The following DUSP26 variants were observed in gnomAD, a reference collection of about 807,000 sequenced individuals.
DUSP26 encodes the protein dual specificity phosphatase 26.
Under a neutral mutation model 20.0 loss-of-function variants are expected in DUSP26, and 12 were observed. The observed-to-expected ratio is 0.60, with a 90% CI of 0.38 to 0.97. DUSP26 has a LOEUF of 0.97. Ranked by LOEUF, DUSP26 falls within the 50% of genes least tolerant of loss-of-function variation. The pLI is 0.00. For synonymous variants in DUSP26, 120 were observed against 118.8 expected, an observed-to-expected ratio of 1.01 and a Z score of -0.06; for missense variants, 230 against 294.0, an observed-to-expected ratio of 0.78 and a Z score of 1.59.
Position 33,593,519 on chromosome 8 carries a change from C to T in DUSP26, c.436+14G>A. On this transcript the variant is annotated intron_variant, in intron 3 of 3. Transcript: ENST00000256261. Reference sequence around the variant, plus strand: ...GCACCCTGTTCTTTCCTGCTCCCAGCATTCCCCTCCTACCTCCTGGCTGGC... The same window carrying T: ...GCACCCTGTTCTTTCCTGCTCCCAGTATTCCCCTCCTACCTCCTGGCTGGC... 6.2e-7 allele frequency: 1 copy of T among 1,608,442 alleles called. No homozygotes were observed. Among genetic ancestry groups the T allele is most frequent in the Non-Finnish European group, 8.5e-7 (1 of 1,175,262 alleles).
chr8:33,596,424 A>C (rs1450816106), intron 2 of DUSP26, among the ~76,000 whole-genome samples: 1 of 151,864 alleles, frequency 6.6e-6, no homozygotes, highest in Non-Finnish European at 1.5e-5. Context: ...CTAAAATACA[A>C]AAAAATAATT....
rs534021745 is a variant in DUSP26 at position 33,596,188 on chromosome 8, G to T, written c.221+1107C>A. Reference sequence around the variant, plus strand: ...AAGCCCAGCTACTTGGGAGGCAGAGGCAGGAGAATTGCTTGAACCCGGGAG... The same window carrying T: ...AAGCCCAGCTACTTGGGAGGCAGAGTCAGGAGAATTGCTTGAACCCGGGAG... On this transcript the variant is annotated intron_variant, in intron 2 of 3. Coordinates refer to ENST00000256261, the MANE Select transcript of DUSP26 (RefSeq NM_024025.3). 2.6e-5 allele frequency among the ~76,000 whole-genome samples: 4 copies of T among 152,340 alleles called. No individual in the cohort carries two copies. In the East Asian group the frequency reaches 7.7e-4, roughly 29 times the overall value.
chr8:33,597,397 T>G lies in DUSP26; in HGVS notation c.119A>C (p.His40Pro). 6.2e-7 allele frequency: 1 copy of G among 1,614,122 alleles called. No homozygotes were observed. Among genetic ancestry groups the G allele is most frequent in the South Asian group, 1.1e-5 (1 of 91,072 alleles). ...GTLEEMPTVQ[H>P]PFLNVFELER... is the part of the protein sequence containing the mutation. ...CAACTCGAAGACATTGAGGAAAGGA[T>G]GTTGAACGGTTGGCATCTCCTCCAG... Residue 40 changes from histidine (H) to proline (P), a missense_variant, in exon 2 of 4, where the codon CAT becomes CCT. Physicochemically the swap from His to Pro is moderately conservative, Grantham distance 77. Coordinates refer to ENST00000256261, the MANE Select transcript of DUSP26 (RefSeq NM_024025.3).
chr8:33,592,309 G>C, intron 3 of DUSP26, 97 bp from the exon 4 acceptor site: 4 of 1,247,234 alleles, frequency 3.2e-6, no homozygotes, highest in Non-Finnish European at 4.4e-6. Context: ...GGTGGCTCAC[G>C]GCGGTAATTC....
chr8:33,598,694 C>T (rs1456265929), intron 1 of DUSP26, among the ~76,000 whole-genome samples: 3 of 152,088 alleles, frequency 2.0e-5, no homozygotes, highest in Non-Finnish European at 4.4e-5. Flanking sequence ...CTGGGAAGGA[C>T]CAGCGTTTGA....
chr8:33,592,307 A>C, intron 3 of DUSP26, 95 bp from the exon 4 acceptor site: 3 of 1,263,298 alleles, frequency 2.4e-6, no homozygotes, highest in Non-Finnish European at 3.2e-6. Context: ...ATGGTGGCTC[A>C]CGGCGGTAAT....
chr8:33,595,615 G>A (rs1167117108), intron 2 of DUSP26, among the ~76,000 whole-genome samples: 4 of 151,734 alleles, frequency 2.6e-5, no homozygotes, highest in East Asian at 1.9e-4. Context: ...TCCTGACCTC[G>A]TGATCCATCC....
intron 1 of DUSP26, 173 bp from the exon 2 acceptor site, chr8:33,597,764 C>T: frequency 4.4e-6 from 2 of 450,480 alleles, no homozygotes; most frequent in Non-Finnish European, 4.0e-6. Flanking sequence ...TTTTGCTCAG[C>T]TCTTTGGCTC....
At chr8:33,593,816 C>T in intron 2 of DUSP26, 69 bp from the exon 3 acceptor site, 1 of 1,545,650 alleles carries the variant, frequency 6.5e-7, no homozygotes, top group Non-Finnish European at 8.9e-7. Flanking sequence ...CTTGTCTACA[C>T]CCTGTTAACT....
intron 1 of DUSP26, among the ~76,000 whole-genome samples, chr8:33,599,356 T>A (rs867766359): frequency 6.6e-6 from 1 of 152,222 alleles, no homozygotes; most frequent in African/African-American, 2.4e-5. Flanking sequence ...AGAAGCCCCT[T>A]TCTGTCCAGG....
chr8:33,594,942 T>G lies in DUSP26; in HGVS notation c.222-1195A>C, dbSNP rs190275041. 2.0e-4 allele frequency among the ~76,000 whole-genome samples: 31 copies of G among 152,224 alleles called. No individual in the cohort carries two copies. The Middle Eastern group carries it at 0.01, about 50-fold the overall frequency. On this transcript the variant is annotated intron_variant, in intron 2 of 3. Transcript: ENST00000256261. Reference sequence around the variant, plus strand: ...TTTCATCGTGTTGGCCAAGCTGGTCTCGAACTCCTGACCTTGTGATCCACC... The same window carrying G: ...TTTCATCGTGTTGGCCAAGCTGGTCGCGAACTCCTGACCTTGTGATCCACC...
rs112579319 is a variant in DUSP26, at chr8:33,593,472, C to T, written c.436+61G>A. The T allele has an allele frequency of 3.8e-5, 60 of 1,579,148 alleles. 3 individuals are homozygous for T. In the African/African-American group the frequency reaches 6.1e-4, roughly 16 times the overall value. On this transcript the variant is annotated intron_variant, in intron 3 of 3. Coordinates refer to ENST00000256261, the MANE Select transcript of DUSP26 (RefSeq NM_024025.3). Reference sequence around the variant, plus strand: ...TAAAATCTCACTCCACTCTCAGACCCTTGGACTTCCCCAAATTCCAGGCAC... The same window carrying T: ...TAAAATCTCACTCCACTCTCAGACCTTTGGACTTCCCCAAATTCCAGGCAC...
At position 33,592,608 on chromosome 8, in the gene DUSP26, G is replaced by A. The variant is rs917029149; in HGVS notation, c.437-396C>T. ...AAGAGGAAGACAGGTAAGTACAGGT[G>A]CATGAAGACAGGAATGGGTGCAGAT... On this transcript the variant is annotated intron_variant, in intron 3 of 3. Transcript: ENST00000256261. Among the ~76,000 whole-genome samples, 3 of 150,656 alleles carry A rather than the reference G, an allele frequency of 2.0e-5. No homozygotes were observed. The Admixed American group carries it at 2.0e-4, about 10-fold the overall frequency.
chr8:33,597,193 G>C (rs1327715533), intron 2 of DUSP26, 102 bp downstream of exon 2: 1 of 1,170,646 alleles, frequency 8.5e-7, no homozygotes, highest in African/African-American at 1.5e-5. Flanking sequence ...CTTCAACCAG[G>C]AACCAATGAC....
chr8:33,593,668 C>T lies in DUSP26; in HGVS notation c.301G>A (p.Gly101Ser), dbSNP rs1344050407. 2 of 1,614,080 alleles carry T rather than the reference C, an allele frequency of 1.2e-6. No homozygotes were observed. Among genetic ancestry groups the T allele is most frequent in the Admixed American group, 1.7e-5 (1 of 60,004 alleles). The change falls in exon 3 of 4, where the codon GGC (glycine) becomes AGC (serine). Residue 101 changes from glycine (G) to serine (S), a missense_variant. Physicochemically the swap from Gly to Ser is moderately conservative, Grantham distance 56. Coordinates refer to ENST00000256261, the MANE Select transcript of DUSP26 (RefSeq NM_024025.3). ...VLNASHSRWR[G>S]TPEAYEGLGI... is the part of the protein sequence containing the mutation. ...AGCCCCTCATAGGCCTCGGGCGTGC[C>T]TCGCCACCGGCTGTGTGAGGCATTG...
At chr8:33,593,381 T>TA (rs1009629778) in intron 3 of DUSP26, 152 bp downstream of exon 3, 26 of 918,970 alleles carry the variant, frequency 2.8e-5, no homozygotes, top group African/African-American at 1.3e-4. Context: ...TGTATTGCTT[T>TA]AAAAAAATGG....
At position 33,595,801 on chromosome 8, in the gene DUSP26, G is replaced by C. The variant is rs149134625; in HGVS notation, c.221+1494C>G. ...AGGGCAAACTGAGTTGCCCTGTCCA[G>C]TGCAAACTCCTTAAGCAGAAAGAGC... On this transcript the variant is annotated intron_variant, in intron 2 of 3. Coordinates refer to ENST00000256261, the MANE Select transcript of DUSP26 (RefSeq NM_024025.3). 3.0e-3 allele frequency among the ~76,000 whole-genome samples: 457 copies of C among 152,244 alleles called. 3 individuals carry two copies. Among genetic ancestry groups the C allele is most frequent in the African/African-American group, 0.01 (430 of 41,530 alleles).
chr8:33,594,756 C>G (rs1196623782), intron 2 of DUSP26, among the ~76,000 whole-genome samples: 1 of 148,424 alleles, frequency 6.7e-6, no homozygotes, highest in Admixed American at 6.8e-5. Flanking sequence ...CAGAGTCTTG[C>G]TATGTCTCCC....
At chr8:33,592,308 C>T (rs962632086) in intron 3 of DUSP26, 96 bp from the exon 4 acceptor site, 27 of 1,251,360 alleles carry the variant, frequency 2.2e-5, no homozygotes, top group African/African-American at 1.1e-4. Flanking sequence ...TGGTGGCTCA[C>T]GGCGGTAATT....
Sources: gnomAD v4.1 joint callset for allele counts (sites outside exome capture counted in the v4.1 genomes callset) on GRCh38, gnomAD v4.1.1 for gene constraint, MANE v1.5 for transcripts, NCBI Gene and HGNC (gene_info 2026-07-23, HGNC 2026-07-21) for gene names.